KLC1: variants seen among roughly 807,000 people sequenced by gnomAD.
KLC1 encodes the protein kinesin light chain 1.
A neutral mutation model predicts 84.2 loss-of-function variants in KLC1; 30 were observed. The observed-to-expected ratio is 0.36, with a 90% CI of 0.27 to 0.48. The LOEUF is 0.48. KLC1 is among the 20% of genes least tolerant of loss of function. The pLI is 0.99. For synonymous variants in KLC1, 289 were observed against 293.3 expected (o/e 0.99, Z 0.15); for missense variants, 499 against 805.4 (o/e 0.62, Z 4.60).
intron 1 of KLC1, among the ~76,000 whole-genome samples, chr14:103,653,973 A>G (rs1445286049): frequency 6.6e-6 from 1 of 152,038 alleles, no homozygotes; most frequent in Non-Finnish European, 1.5e-5. Flanking sequence ...ACATTGCATC[A>G]CATCACCCTG....
chr14:103,698,656 A>G, intron 15 of KLC1: 1 of 760,296 alleles, frequency 1.3e-6, no homozygotes, highest in Non-Finnish European at 2.2e-6. Flanking sequence ...TCTTCGGATG[A>G]GAAAGTGGAG....
chr14:103,638,519 G>GTT (rs535856533), intron 1 of KLC1, among the ~76,000 whole-genome samples: 4 of 144,106 alleles, frequency 2.8e-5, no homozygotes, highest in Non-Finnish European at 3.0e-5. Context: ...AGTGCTTGGT[G>GTT]TTTTTTTTTT....
rs532395415 is a variant in KLC1, at chr14:103,668,551, C to G, written c.798-960C>G. On this transcript the variant is annotated intron_variant, in intron 5 of 16. Coordinates refer to ENST00000334553, the MANE Select transcript of KLC1 (RefSeq NM_001394837.1). ...TTAGTGCAGTGGCGCGATCTATGCT[C>G]ACTGCAAGCTCCGCCTCCCGGGTTC... 2.2e-4 allele frequency among the ~76,000 whole-genome samples: 33 copies of G among 152,200 alleles called. No individual in the cohort carries two copies. The South Asian group carries it at 6.9e-3, about 32-fold the overall frequency.
At position 103,692,444 on chromosome 14, in the gene KLC1, A is replaced by G. The variant is rs2151856083; in HGVS notation, c.1848+19A>G. ...CTTTCAAGTAAGGAGCCTACCCCGA[A>G]TTGTGTCCTAGGCTGCCCAGACCAC... On this transcript the variant is annotated intron_variant, in intron 15 of 16. Coordinates refer to ENST00000334553, the MANE Select transcript of KLC1 (RefSeq NM_001394837.1). The G allele has an allele frequency of 6.5e-7, 1 of 1,535,764 alleles. No individual in the cohort carries two copies. The highest frequency in any genetic ancestry group is 8.7e-7 in the Non-Finnish European group (1 of 1,146,362).
At chr14:103,666,638 C>T (rs1415986843) in intron 5 of KLC1, among the ~76,000 whole-genome samples, 2 of 151,170 alleles carry the variant, frequency 1.3e-5, no homozygotes, top group Admixed American at 1.3e-4. Context: ...GCTCTTGTAC[C>T]CCTGGCTGGA....
intron 7 of KLC1, among the ~76,000 whole-genome samples, chr14:103,671,372 G>A (rs560254368): frequency 1.3e-5 from 2 of 151,776 alleles, no homozygotes; most frequent in African/African-American, 4.8e-5. Context: ...ACCACAAATT[G>A]TGTTTTTTTT....
At chr14:103,641,503 G>A (rs772259744) in intron 1 of KLC1, among the ~76,000 whole-genome samples, 22 of 152,172 alleles carry the variant, frequency 1.4e-4, no homozygotes, top group Non-Finnish European at 2.9e-4. Context: ...AGATTCTGGT[G>A]CAGACCCTCT....
rs1595413123 is a variant in KLC1, at chr14:103,662,138, C to G, written c.515C>G (p.Thr172Ser). Residue 172 changes from threonine (T) to serine (S), a missense_variant, in exon 4 of 17, where the codon ACC becomes AGC. By Grantham distance (58) the Thr-to-Ser change is moderately conservative. This residue lies in a region of KLC1 where 179 missense variants were observed against 264.2 expected (regional missense o/e 0.68). Coordinates refer to ENST00000334553, the MANE Select transcript of KLC1 (RefSeq NM_001394837.1). ...TAGGAGGACAAAGACACTGATTCTA[C>G]CAAAGAGCCTCTGGATGACCTTTTC... is the stretch of plus-strand genomic sequence containing the variant. ...SPSEDKDTDS[T>S]KEPLDDLFPN... is the part of the protein sequence containing the mutation. The G allele has an allele frequency of 1.2e-6, 2 of 1,613,834 alleles. No individual in the cohort carries two copies. The highest frequency in any genetic ancestry group is 1.7e-6 in the Non-Finnish European group (2 of 1,179,782).
At chr14:103,684,686 A>G in intron 13 of KLC1, 1 of 273,170 alleles carries the variant, frequency 3.7e-6, no homozygotes, top group Non-Finnish European at 7.1e-6. Context: ...CAGCAGCTGC[A>G]GAGGGGAGAG....
At chr14:103,630,944 C>G (rs1472110912) in intron 1 of KLC1, among the ~76,000 whole-genome samples, 1 of 152,160 alleles carries the variant, frequency 6.6e-6, no homozygotes, top group Non-Finnish European at 1.5e-5. Flanking sequence ...TTGGCATTGT[C>G]TTAGAGAAAA....
chr14:103,642,040 C>T (rs2077532246), intron 1 of KLC1, among the ~76,000 whole-genome samples: 1 of 152,130 alleles, frequency 6.6e-6, no homozygotes, highest in South Asian at 2.1e-4. Flanking sequence ...AAGCTATTCT[C>T]CTGCCTCAGC....
intron 14 of KLC1, chr14:103,687,807 G>T (rs2081871613): frequency 6.6e-6 from 1 of 152,140 alleles, no homozygotes. Context: ...AGTTGTCAAA[G>T]GAATTTGGTT....
intron 15 of KLC1, chr14:103,700,405 T>A (rs939826168): frequency 2.2e-6 from 1 of 445,224 alleles, no homozygotes; most frequent in African/African-American, 2.1e-5. Context: ...GCCTGGCCTC[T>A]GACCGCACAG....
intron 1 of KLC1, among the ~76,000 whole-genome samples, chr14:103,635,855 G>C (rs886279381): frequency 3.3e-5 from 5 of 152,146 alleles, no homozygotes; most frequent in African/African-American, 1.2e-4. Context: ...AAGTTACACA[G>C]CTGTGAAGTC....
intron 3 of KLC1, among the ~76,000 whole-genome samples, chr14:103,659,034 A>G (rs1279143282): frequency 5.0e-5 from 7 of 139,910 alleles, no homozygotes; most frequent in African/African-American, 1.1e-4. Flanking sequence ...CTGGAGTGCA[A>G]TGGCGCGATC....
At chr14:103,681,499 G>A (rs1374006833) in intron 13 of KLC1, among the ~76,000 whole-genome samples, 10 of 150,610 alleles carry the variant, frequency 6.6e-5, no homozygotes, top group Admixed American at 6.6e-4. Context: ...TTGCTCTCTC[G>A]CCCAGGCTGG....
In KLC1 at chr14:103,693,707, C is replaced by A. The variant is rs916117115; in HGVS notation, c.1848+1282C>A. The A allele has an allele frequency of 2.1e-5, 32 of 1,498,356 alleles. No homozygotes were observed. The highest frequency in any genetic ancestry group is 2.8e-5 in the Non-Finnish European group (32 of 1,127,176). The allele number at this position is 1,498,356 out of a possible 1,614,324, so 92.8% of individuals were successfully genotyped here. On this transcript the variant is annotated intron_variant, in intron 15 of 16. Coordinates refer to ENST00000334553, the MANE Select transcript of KLC1 (RefSeq NM_001394837.1). The surrounding 1 kb of genome is among the most constrained non-coding windows in gnomAD (Gnocchi z 5.1). ...CACCGCCCTGCCCGGAGGCGCCAGC[C>A]GCACTCCTTGGCTTCCTTTCCTAGA... is the stretch of plus-strand genomic sequence containing the variant.
chr14:103,646,785 G>C (rs1413205052), intron 1 of KLC1, among the ~76,000 whole-genome samples: 1 of 151,676 alleles, frequency 6.6e-6, no homozygotes, highest in Non-Finnish European at 1.5e-5. Flanking sequence ...AATTTTTTTT[G>C]TTTTTTTGTA....
chr14:103,664,839 TTTTTAAAC>T, intron 5 of KLC1, among the ~76,000 whole-genome samples: 1 of 150,866 alleles, frequency 6.6e-6, no homozygotes, highest in East Asian at 1.9e-4. Context: ...TTTTTTTTTT[TTTTTAAAC>T]TTATATGCCC....
Sources: allele counts gnomAD v4.1 joint callset (sites outside exome capture counted in the v4.1 genomes callset), GRCh38; gene constraint gnomAD v4.1.1; regional missense constraint gnomAD v4.1.1; non-coding constraint Gnocchi (gnomAD v3.1); transcripts MANE v1.5; gene names NCBI Gene and HGNC (gene_info 2026-07-23, HGNC 2026-07-21).